The following PEMT variants were observed in gnomAD, a reference collection of about 807,000 sequenced individuals.
PEMT encodes phosphatidylethanolamine N-methyltransferase, also known as phospholipid methyltransferase.
Under a neutral mutation model 27.4 loss-of-function variants are expected in PEMT, and 23 were observed. The observed-to-expected ratio is 0.84, with a 90% CI of 0.60 to 1.19. The LOEUF (loss-of-function observed/expected upper bound fraction) is 1.19, where lower values mean the gene tolerates loss of function less well. PEMT is among the 50% of genes most tolerant of loss of function. PEMT has a pLI of 0.00. For synonymous variants in PEMT, 137 were observed against 139.1 expected, an observed-to-expected ratio of 0.98 and a Z score of 0.11; for missense variants, 307 against 310.1, an observed-to-expected ratio of 0.99 and a Z score of 0.07.
chr17:17,588,586 A>C (rs1191865206), intron 1 of PEMT, among the ~76,000 whole-genome samples: 4 of 151,950 alleles, frequency 2.6e-5, no homozygotes, highest in Non-Finnish European at 5.9e-5. Flanking sequence ...TGACACCAAC[A>C]CCAAGCTGGA....
chr17:17,554,867 C>T (rs1909937332), intron 2 of PEMT, among the ~76,000 whole-genome samples: 2 of 152,124 alleles, frequency 1.3e-5, no homozygotes, highest in South Asian at 2.1e-4. Context: ...CCACCCACCT[C>T]GGCCTCCCAA....
At chr17:17,539,162 G>A (rs1267103860) in intron 2 of PEMT, among the ~76,000 whole-genome samples, 1 of 152,162 alleles carries the variant, frequency 6.6e-6, no homozygotes, top group East Asian at 1.9e-4. Context: ...TTTGATTTTA[G>A]TAAAGATGGG....
At chr17:17,567,659 G>C (rs1048726422) in intron 2 of PEMT, among the ~76,000 whole-genome samples, 1 of 152,266 alleles carries the variant, frequency 6.6e-6, no homozygotes, top group Non-Finnish European at 1.5e-5. Flanking sequence ...CAGGAGTCCA[G>C]CTGTGAGCAC....
rs1912110533 is a variant in PEMT at position 17,584,022 on chromosome 17, C to A, written c.97-6995G>T. 2.0e-5 allele frequency among the ~76,000 whole-genome samples: 3 copies of A among 152,248 alleles called. No individual in the cohort carries two copies. In the South Asian group the frequency reaches 6.2e-4, roughly 32 times the overall value. ...TGACCTGCACCAAACTCAAAAGGCACTGACAGCTCACGTGCTCCAGCAGGG... is the reference window on the plus strand; with the variant it reads ...TGACCTGCACCAAACTCAAAAGGCAATGACAGCTCACGTGCTCCAGCAGGG... On this transcript the variant is annotated intron_variant, in intron 1 of 6. Transcript: ENST00000255389.
At chr17:17,550,609 T>C (rs1909590445) in intron 2 of PEMT, among the ~76,000 whole-genome samples, 1 of 152,254 alleles carries the variant, frequency 6.6e-6, no homozygotes. Context: ...CATGCATTTG[T>C]GTGATTGTTG....
rs1319042947 is a variant in PEMT at position 17,513,613 on chromosome 17, G to A, written c.321-959C>T. 6.6e-6 allele frequency among the ~76,000 whole-genome samples: 1 copy of A among 152,080 alleles called. No homozygotes were observed. Among genetic ancestry groups the A allele is most frequent in the Non-Finnish European group, 1.5e-5 (1 of 68,008 alleles). Reference sequence around the variant, plus strand: ...AAAAAAGAAAAAAAGAAAAGGCAGTGGCGTGACCAAAAGGGGGTGACTATG... The same window carrying A: ...AAAAAAGAAAAAAAGAAAAGGCAGTAGCGTGACCAAAAGGGGGTGACTATG... On this transcript the variant is annotated intron_variant, in intron 3 of 6. Transcript: ENST00000255389. This position sits in a 1 kb window ranked among gnomAD's most constrained non-coding sequence, Gnocchi z 4.1.
At chr17:17,507,577 AG>A (rs1321337242) in intron 5 of PEMT, 1 of 249,746 alleles carries the variant, frequency 4.0e-6, no homozygotes, top group African/African-American at 2.2e-5. Context: ...GTGGGCGCCG[AG>A]GGGGACAGGA....
At chr17:17,552,150 A>G (rs75051508) in intron 2 of PEMT, among the ~76,000 whole-genome samples, 16,313 of 152,050 alleles carry the variant, frequency 0.11, 1,398 homozygotes, top group African/African-American at 0.24. Context: ...TGTCTCTACA[A>G]AAAATACAAA....
chr17:17,554,880 TG>T (rs1467058673), intron 2 of PEMT, among the ~76,000 whole-genome samples: 3 of 152,106 alleles, frequency 2.0e-5, no homozygotes, highest in African/African-American at 7.2e-5. Context: ...CCTCCCAAAG[TG>T]CTAGGATTAC....
chr17:17,507,321 G>T, intron 5 of PEMT: 1 of 773,028 alleles, frequency 1.3e-6, no homozygotes, highest in Non-Finnish European at 2.2e-6. Flanking sequence ...CTCCTTGGCT[G>T]CCCCTGTGCC....
chr17:17,580,404 G>C (rs978272017), intron 1 of PEMT, among the ~76,000 whole-genome samples: 1 of 152,106 alleles, frequency 6.6e-6, no homozygotes, highest in African/African-American at 2.4e-5. Flanking sequence ...TTGAACCTGG[G>C]AGGCGGAGGT....
At chr17:17,540,727 C>A (rs998874855) in intron 2 of PEMT, among the ~76,000 whole-genome samples, 1 of 152,188 alleles carries the variant, frequency 6.6e-6, no homozygotes, top group Admixed American at 6.5e-5. Context: ...TTCAGAGGGT[C>A]GTGCAGCATG....
chr17:17,586,291 A>AGAAAGAAAG (rs1219939322), intron 1 of PEMT, among the ~76,000 whole-genome samples: 8 of 112,182 alleles, frequency 7.1e-5, no homozygotes, highest in South Asian at 2.3e-4. Flanking sequence ...AAAGAAAGAA[A>AGAAAGAAAG]AAAAAAAACG....
intron 1 of PEMT, among the ~76,000 whole-genome samples, chr17:17,579,585 G>C (rs1911856031): frequency 1.3e-5 from 2 of 152,214 alleles, no homozygotes; most frequent in Admixed American, 6.5e-5. Flanking sequence ...GGCTGAGGCA[G>C]GAGAATTACT....
At chr17:17,572,406 C>T (rs111506869) in intron 2 of PEMT, among the ~76,000 whole-genome samples, 1 of 152,250 alleles carries the variant, frequency 6.6e-6, no homozygotes, top group Non-Finnish European at 1.5e-5. Flanking sequence ...CCGTCCTGCT[C>T]CTCCATTCTC....
intron 1 of PEMT, among the ~76,000 whole-genome samples, chr17:17,586,532 T>C (rs1243504563): frequency 6.6e-6 from 1 of 151,880 alleles, no homozygotes; most frequent in African/African-American, 2.4e-5. Flanking sequence ...AAAGCGATCG[T>C]GGAAAGAATG....
intron 2 of PEMT, among the ~76,000 whole-genome samples, chr17:17,538,943 G>A (rs976858909): frequency 1.3e-5 from 2 of 152,316 alleles, no homozygotes; most frequent in East Asian, 1.9e-4. Context: ...TTTTATGGGC[G>A]AGAGACATTA....
intron 2 of PEMT, among the ~76,000 whole-genome samples, chr17:17,562,407 CT>C (rs1555543510): frequency 6.6e-6 from 1 of 152,116 alleles, no homozygotes; most frequent in Non-Finnish European, 1.5e-5. Flanking sequence ...CACTGAGCTC[CT>C]GATGGGGAGG....
chr17:17,564,504 C>T (rs929504123), intron 2 of PEMT, among the ~76,000 whole-genome samples: 9 of 152,094 alleles, frequency 5.9e-5, no homozygotes, highest in Admixed American at 5.9e-4. Flanking sequence ...GCCAAGTTTA[C>T]ACAGCAGGGC....
Sources: gnomAD v4.1 joint callset for allele counts (sites outside exome capture counted in the v4.1 genomes callset) on GRCh38, gnomAD v4.1.1 for gene constraint, Gnocchi (gnomAD v3.1) non-coding constraint, MANE v1.5 for transcripts, NCBI Gene and HGNC (gene_info 2026-07-23, HGNC 2026-07-21) for gene names.